The following HYDIN variants were observed in gnomAD, a reference collection of about 807,000 sequenced individuals.
HYDIN encodes the protein HYDIN axonemal central pair apparatus protein, also known as axonemal central pair apparatus protein HYDIN.
In HYDIN, 132 loss-of-function variants were observed where a neutral mutation model predicts 403.9. The observed-to-expected ratio is 0.33, with a 90% CI of 0.28 to 0.38. The LOEUF (loss-of-function observed/expected upper bound fraction) is 0.38. Among genes scored for constraint, HYDIN ranks in the 10% least tolerant of loss-of-function variants. The pLI is 1.00. For synonymous variants in HYDIN, 1,202 were observed against 1,891.7 expected, an observed-to-expected ratio of 0.64 and a Z score of 9.46; for missense variants, 2,827 against 5,009.5, an observed-to-expected ratio of 0.56 and a Z score of 13.15.
chr16:71,116,426 T>G (rs1597813399), intron 9 of HYDIN, among the ~76,000 whole-genome samples: 1 of 152,228 alleles, frequency 6.6e-6, no homozygotes, highest in South Asian at 2.1e-4. Flanking sequence ...TTTTCATTCT[T>G]CTGTCGCTGG....
intron 28 of HYDIN, 21 bp from the exon 29 acceptor site, chr16:70,981,589 A>T: frequency 4.4e-6 from 7 of 1,605,776 alleles, no homozygotes; most frequent in Non-Finnish European, 6.0e-6. Context: ...GAAAGACCAG[A>T]AAAGGGAAAA....
chr16:71,066,160 G>C (rs1168498817), intron 15 of HYDIN, among the ~76,000 whole-genome samples: 1 of 151,998 alleles, frequency 6.6e-6, no homozygotes, highest in Non-Finnish European at 1.5e-5. Flanking sequence ...TGTAGGGAAA[G>C]GGGCTAGAAA....
chr16:71,190,624 A>G (rs991214732), intron 1 of HYDIN, among the ~76,000 whole-genome samples: 5 of 152,218 alleles, frequency 3.3e-5, no homozygotes, highest in Non-Finnish European at 7.3e-5. Context: ...GCAGCCCCTA[A>G]TGAAATGAAG....
At chr16:71,096,519 A>G (rs1444597281) in intron 10 of HYDIN, among the ~76,000 whole-genome samples, 3 of 151,860 alleles carry the variant, frequency 2.0e-5, no homozygotes, top group Admixed American at 6.6e-5. Context: ...TTGTCTCTGC[A>G]TGCTTCAGTA....
intron 18 of HYDIN, among the ~76,000 whole-genome samples, chr16:71,039,388 G>A (rs1051745637): frequency 3.3e-5 from 5 of 152,168 alleles, no homozygotes; most frequent in African/African-American, 1.2e-4. Flanking sequence ...TGATAGGGAC[G>A]GGGGGCAGAG....
intron 23 of HYDIN, among the ~76,000 whole-genome samples, chr16:70,998,610 T>A (rs1297557919): frequency 7.4e-6 from 1 of 134,304 alleles, no homozygotes; most frequent in Non-Finnish European, 1.5e-5. Flanking sequence ...TTTCTCATTT[T>A]GTAAACCCCC....
At chr16:71,223,644 A>T (rs1023960759) in intron 1 of HYDIN, among the ~76,000 whole-genome samples, 23 of 150,522 alleles carry the variant, frequency 1.5e-4, no homozygotes, top group African/African-American at 5.6e-4. Context: ...AAAAAAAAAC[A>T]AATAATCCCT....
intron 9 of HYDIN, among the ~76,000 whole-genome samples, chr16:71,126,502 A>AG (rs1164597923): frequency 1.3e-5 from 2 of 152,182 alleles, no homozygotes; most frequent in Non-Finnish European, 2.9e-5. Context: ...GGGCTGAGGC[A>AG]GGGAAGAGCT....
At chr16:70,855,573 G>C (rs912882996) in intron 72 of HYDIN, among the ~76,000 whole-genome samples, 1 of 152,202 alleles carries the variant, frequency 6.6e-6, no homozygotes, top group African/African-American at 2.4e-5. Context: ...GAATTGTAAT[G>C]CCTTCCTGAA....
chr16:70,909,688 C>CTT (rs74464612), intron 47 of HYDIN, among the ~76,000 whole-genome samples: 49 of 64,778 alleles, frequency 7.6e-4, no homozygotes, highest in East Asian at 1.7e-3. Flanking sequence ...TCAGGCATGT[C>CTT]TTTTTTTTTT....
intron 18 of HYDIN, among the ~76,000 whole-genome samples, chr16:71,040,255 T>G (rs2081241748): frequency 6.6e-6 from 1 of 151,406 alleles, no homozygotes; most frequent in Admixed American, 6.6e-5. Context: ...CAGCAAGGTG[T>G]TGAGAGCAGC....
At chr16:71,127,264 T>C (rs1332003120) in intron 9 of HYDIN, among the ~76,000 whole-genome samples, 1 of 148,520 alleles carries the variant, frequency 6.7e-6, no homozygotes, top group Non-Finnish European at 1.5e-5. Flanking sequence ...AAAATCATGA[T>C]AGATTCCATA....
In HYDIN at chr16:71,064,772, G is replaced by A. The variant is rs780885009; in HGVS notation, c.2144C>T (p.Pro715Leu). The change falls in exon 16 of 86, where the codon CCG becomes CTG. Residue 715 changes from proline to leucine, a missense_variant. Transcript: ENST00000393567. ...VDFGHCFLKYPYEKTLQLANQ... is the reference protein window; with the variant it reads ...VDFGHCFLKYLYEKTLQLANQ... ...GGCAAGCTGGAGTGTTTTCTCATACGGGTACTTCAGGAAGCAGTGCCCAAA... is the reference window on the plus strand; with the variant it reads ...GGCAAGCTGGAGTGTTTTCTCATACAGGTACTTCAGGAAGCAGTGCCCAAA... 16 of 1,613,734 alleles carry A rather than the reference G, an allele frequency of 9.9e-6. No individual in the cohort carries two copies. Among genetic ancestry groups the A allele is most frequent in the East Asian group, 2.2e-5 (1 of 44,872 alleles).
At chr16:71,201,644 G>C (rs747022404) in intron 1 of HYDIN, among the ~76,000 whole-genome samples, 1 of 152,222 alleles carries the variant, frequency 6.6e-6, no homozygotes, top group African/African-American at 2.4e-5. Flanking sequence ...TGCTGAAATC[G>C]GGATTTGAGC....
In HYDIN at chr16:70,908,764, A is replaced by G. The variant is rs767946173; in HGVS notation, c.8102T>C (p.Met2701Thr). ...VFEIQKDKRH[M>T]ALNRKVLSGE... ...AGAAAGGACCTTCCTGTTTAAGGCC[A>G]TGTGACGCTTGTCTTTCTGAATCTC... Residue 2701 changes from methionine (M) to threonine (T), a missense_variant, in exon 48 of 86, where the codon ATG becomes ACG. Transcript: ENST00000393567. 1.9e-6 allele frequency: 3 copies of G among 1,614,200 alleles called. No homozygotes were observed. Among genetic ancestry groups the G allele is most frequent in the African/African-American group, 1.3e-5 (1 of 75,048 alleles).
At position 70,807,160 on chromosome 16, in the gene HYDIN, T is replaced by A. The variant is rs2035144363; in HGVS notation, c.*420A>T. On this transcript the variant is annotated 3_prime_UTR_variant, in exon 86 of 86. Transcript: ENST00000393567. The stretch of plus-strand genomic sequence containing the variant: ...AGAATAAAATGCCACATCAAAATAG[T>A]CATGTCTAAGGGCTTTTTAAACCAT... 2.0e-5 allele frequency among the ~76,000 whole-genome samples: 3 copies of A among 152,204 alleles called. No individual in the cohort carries two copies. The highest frequency in any genetic ancestry group is 7.2e-5 in the African/African-American group (3 of 41,454).
intron 13 of HYDIN, among the ~76,000 whole-genome samples, chr16:71,073,659 CTCAT>C (rs2082537536): frequency 6.6e-6 from 1 of 152,134 alleles, no homozygotes; most frequent in Non-Finnish European, 1.5e-5. Context: ...ACTCCTTATT[CTCAT>C]TCAACACATC....
chr16:71,043,988 G>A (rs80054654), intron 18 of HYDIN, among the ~76,000 whole-genome samples: 7 of 151,956 alleles, frequency 4.6e-5, no homozygotes, highest in South Asian at 2.1e-4. Context: ...GAGAGAGAGA[G>A]AAAAAGAGAG....
chr16:70,944,973 G>A (rs1476945272), intron 41 of HYDIN, among the ~76,000 whole-genome samples: 2 of 152,148 alleles, frequency 1.3e-5, no homozygotes, highest in African/African-American at 2.4e-5. Flanking sequence ...GGCTGGTCTC[G>A]AACTCCTGAC....
Sources: gnomAD v4.1 joint callset for allele counts (sites outside exome capture counted in the v4.1 genomes callset) on GRCh38, gnomAD v4.1.1 for gene constraint, MANE v1.5 for transcripts, NCBI Gene and HGNC (gene_info 2026-07-23, HGNC 2026-07-21) for gene names.